Variants in SYN3 observed in about 807,000 individuals in gnomAD.
SYN3 encodes the protein synapsin III.
Under a neutral mutation model 65.8 loss-of-function variants are expected in SYN3, and 35 were observed. The observed-to-expected ratio is 0.53, with a 90% CI of 0.41 to 0.70. The LOEUF (loss-of-function observed/expected upper bound fraction) is 0.70, where lower values mean the gene tolerates loss of function less well. SYN3 is among the 30% of genes least tolerant of loss of function. SYN3 has a pLI of 0.00. For synonymous variants in SYN3, 270 were observed against 292.9 expected (o/e 0.92, Z 0.80); for missense variants, 680 against 749.0 (o/e 0.91, Z 1.08).
chr22:32,715,250 CCAGCACA>C (rs529623999), intron 6 of SYN3, among the ~76,000 whole-genome samples: 160 of 152,270 alleles, frequency 1.1e-3, no homozygotes, highest in Non-Finnish European at 1.7e-3. Flanking sequence ...AGAGCTGGTT[CCAGCACA>C]CTACTAAAGT....
intron 3 of SYN3, among the ~76,000 whole-genome samples, chr22:32,967,007 T>C (rs569371418): frequency 4.1e-4 from 62 of 152,348 alleles, no homozygotes; most frequent in African/African-American, 1.4e-3. Context: ...GTATGCTGTG[T>C]GGCCTTGGGT....
At chr22:32,557,375 G>C (rs1460136076) in intron 7 of SYN3, among the ~76,000 whole-genome samples, 1 of 152,178 alleles carries the variant, frequency 6.6e-6, no homozygotes, top group Non-Finnish European at 1.5e-5. Context: ...TCTTTGTAAT[G>C]ATTATGGAGA....
intron 6 of SYN3, among the ~76,000 whole-genome samples, chr22:32,678,596 C>A (rs1017369647): frequency 2.3e-4 from 35 of 151,312 alleles, no homozygotes; most frequent in Admixed American, 1.5e-3. Context: ...CCTTCTTCTC[C>A]TTCTTCTCCT....
chr22:32,751,561 C>T (rs1444173379), intron 6 of SYN3, among the ~76,000 whole-genome samples: 8 of 152,082 alleles, frequency 5.3e-5, no homozygotes, highest in Admixed American at 1.3e-4. Context: ...TGTGGGTGCC[C>T]GGCAGAACTG....
chr22:32,766,564 G>A (rs1342930526), intron 6 of SYN3, among the ~76,000 whole-genome samples: 2 of 152,172 alleles, frequency 1.3e-5, no homozygotes, highest in African/African-American at 4.8e-5. Context: ...CATACCTATT[G>A]CATCGCACAG....
intron 4 of SYN3, among the ~76,000 whole-genome samples, chr22:32,880,917 C>T (rs979802942): frequency 2.0e-5 from 3 of 152,170 alleles, no homozygotes; most frequent in African/African-American, 7.2e-5. Context: ...CTGAGATGTG[C>T]TTGGAAAGGC....
At chr22:33,046,076 T>C (rs2054059220) in intron 1 of SYN3, among the ~76,000 whole-genome samples, 1 of 149,626 alleles carries the variant, frequency 6.7e-6, no homozygotes, top group Non-Finnish European at 1.5e-5. Context: ...GAATGGTAAA[T>C]ATACACTTGA....
intron 6 of SYN3, among the ~76,000 whole-genome samples, chr22:32,691,666 G>C (rs1193848394): frequency 2.0e-5 from 3 of 152,054 alleles, no homozygotes; most frequent in East Asian, 1.9e-4. Flanking sequence ...AGTTATGGGG[G>C]AGAAACGCTT....
At position 32,842,563 on chromosome 22, in the gene SYN3, CA is replaced by C. The variant is rs1048042563; in HGVS notation, c.711+22351del. ...TCTGATTAGTAAATTTAAGAATCTACAAGTCATCACCATCAGCAATATAACA... is the reference window on the plus strand; with the variant it reads ...TCTGATTAGTAAATTTAAGAATCTACAGTCATCACCATCAGCAATATAACA... On this transcript the variant is annotated intron_variant, in intron 6 of 13. Coordinates refer to ENST00000358763, the MANE Select transcript of SYN3 (RefSeq NM_003490.4). Among the ~76,000 whole-genome samples, 73 of 152,318 alleles carry C rather than the reference CA, an allele frequency of 4.8e-4. 1 individual carries two copies. Among genetic ancestry groups the C allele is most frequent in the African/African-American group, 1.7e-3 (72 of 41,564 alleles).
At chr22:32,814,137 TGTGTGAGA>T (rs1370507320) in intron 6 of SYN3, among the ~76,000 whole-genome samples, 8 of 80,158 alleles carry the variant, frequency 1.0e-4, no homozygotes, top group African/African-American at 3.9e-4. Flanking sequence ...TGTGTGTGTG[TGTGTGAGA>T]GAGAGAGAGA....
At chr22:32,556,051 T>C (rs1293952527) in intron 7 of SYN3, among the ~76,000 whole-genome samples, 2 of 152,126 alleles carry the variant, frequency 1.3e-5, no homozygotes, top group Non-Finnish European at 2.9e-5. Flanking sequence ...GCAAAAACCC[T>C]AAAGCAGAGG....
chr22:32,650,263 CT>C (rs2060049146), intron 6 of SYN3, among the ~76,000 whole-genome samples: 1 of 119,628 alleles, frequency 8.4e-6, no homozygotes, highest in African/African-American at 3.8e-5. Context: ...CCCTCCCTCT[CT>C]CTCTCTCTCT....
intron 7 of SYN3, among the ~76,000 whole-genome samples, chr22:32,569,533 ATCAATCTC>A (rs1269384054): frequency 2.9e-4 from 27 of 93,892 alleles, no homozygotes; most frequent in East Asian, 4.3e-4. Context: ...TCTAAAATCA[ATCAATCTC>A]TCTCTCTCTC....
intron 7 of SYN3, among the ~76,000 whole-genome samples, chr22:32,586,139 C>A (rs948274106): frequency 1.2e-4 from 17 of 146,334 alleles, no homozygotes; most frequent in African/African-American, 4.4e-4. Flanking sequence ...TATGTATATA[C>A]ATATACACAT....
intron 10 of SYN3, among the ~76,000 whole-genome samples, chr22:32,532,671 C>G (rs1164699755): frequency 6.9e-6 from 1 of 144,636 alleles, no homozygotes. Context: ...CTCCCACCCA[C>G]TGAGTCACCT....
intron 6 of SYN3, among the ~76,000 whole-genome samples, chr22:32,604,321 C>A (rs1466674474): frequency 6.6e-6 from 1 of 152,194 alleles, no homozygotes. Context: ...ATCCAGCTCT[C>A]CCCCATGTCT....
intron 7 of SYN3, among the ~76,000 whole-genome samples, chr22:32,587,936 C>T (rs2059073574): frequency 6.6e-6 from 1 of 152,108 alleles, no homozygotes; most frequent in Non-Finnish European, 1.5e-5. Flanking sequence ...GCCAGACTGC[C>T]TGAGGGTTGT....
chr22:32,968,797 G>A (rs367986497), intron 3 of SYN3, among the ~76,000 whole-genome samples: 85 of 152,146 alleles, frequency 5.6e-4, no homozygotes, highest in Non-Finnish European at 1.1e-3. Flanking sequence ...AGAGATCCTC[G>A]TCGCAACACA....
chr22:32,984,336 C>T (rs903085441), intron 2 of SYN3, among the ~76,000 whole-genome samples: 1 of 152,140 alleles, frequency 6.6e-6, no homozygotes, highest in South Asian at 2.1e-4. Flanking sequence ...CAAGGATTGC[C>T]AGCTCTTGGT....
Sources: allele counts gnomAD v4.1 joint callset (sites outside exome capture counted in the v4.1 genomes callset), GRCh38; gene constraint gnomAD v4.1.1; transcripts MANE v1.5; gene names NCBI Gene and HGNC (gene_info 2026-07-23, HGNC 2026-07-21).